Variants in MYO9A observed in about 807,000 individuals in gnomAD.
The protein encoded by MYO9A is unconventional myosin-IXa.
Under a neutral mutation model 293.3 loss-of-function variants are expected in MYO9A, and 103 were observed. That is an observed-to-expected ratio of 0.35 (90% CI 0.30 to 0.41). The LOEUF is 0.41. Ranked by LOEUF, MYO9A falls within the 10% of genes least tolerant of loss-of-function variation. The pLI, the probability that MYO9A is intolerant of heterozygous loss-of-function variation, is 1.00. For missense variants in MYO9A, 2,685 were observed against 3,033.0 expected (o/e 0.89, Z 2.69); for synonymous variants, 1,001 against 1,035.7 (o/e 0.97, Z 0.64).
At chr15:72,080,259 T>TA (rs2079499217) in intron 1 of MYO9A, among the ~76,000 whole-genome samples, 1 of 151,076 alleles carries the variant, frequency 6.6e-6, no homozygotes, top group African/African-American at 2.4e-5. Context: ...GCTATTATGA[T>TA]ATAAAATCAA....
Position 71,823,434 on chromosome 15 carries a change from G to C in MYO9A, c.*3146C>G, listed in dbSNP as rs552030404. On this transcript the variant is annotated 3_prime_UTR_variant, in exon 42 of 42. Coordinates refer to ENST00000356056, the MANE Select transcript of MYO9A (RefSeq NM_006901.4). Reference sequence around the variant, plus strand: ...AAAGCATGAGAAGGTGGGGGCTCTAGTATTCCATCCCAGGACCTCTGGCCC... The same window carrying C: ...AAAGCATGAGAAGGTGGGGGCTCTACTATTCCATCCCAGGACCTCTGGCCC... 1 of 152,242 alleles carries C rather than the reference G, an allele frequency of 6.6e-6. No individual in the cohort carries two copies. Among genetic ancestry groups the C allele is most frequent in the Non-Finnish European group, 1.5e-5 (1 of 68,076 alleles). 9.4% of individuals were successfully genotyped at this position (152,242 alleles called of 1,614,324 possible).
chr15:72,032,928 G>A (rs991701050), intron 2 of MYO9A, among the ~76,000 whole-genome samples: 1 of 152,110 alleles, frequency 6.6e-6, no homozygotes, highest in African/African-American at 2.4e-5. Flanking sequence ...TCGGCTCACT[G>A]CAACCTCTGC....
chr15:72,065,674 A>G (rs1327484957), intron 1 of MYO9A, among the ~76,000 whole-genome samples: 1 of 152,070 alleles, frequency 6.6e-6, no homozygotes, highest in Non-Finnish European at 1.5e-5. Context: ...CATTGAGAGT[A>G]AAAAGGCACA....
intron 13 of MYO9A, among the ~76,000 whole-genome samples, chr15:71,964,141 T>C (rs1356140046): frequency 6.6e-6 from 1 of 152,062 alleles, no homozygotes; most frequent in African/African-American, 2.4e-5. Flanking sequence ...CTGTAATCTA[T>C]AATTTTTTTT....
intron 1 of MYO9A, among the ~76,000 whole-genome samples, chr15:72,082,304 G>A (rs1171226005): frequency 6.6e-6 from 1 of 152,074 alleles, no homozygotes; most frequent in Non-Finnish European, 1.5e-5. Context: ...AATGGGATTT[G>A]TGTTCCTAAT....
chr15:72,005,792 C>CTTTTTAGT (rs1171427364), intron 8 of MYO9A, among the ~76,000 whole-genome samples: 1 of 152,168 alleles, frequency 6.6e-6, no homozygotes, highest in African/African-American at 2.4e-5. Context: ...TAATAATTAA[C>CTTTTTAGT]TTTATGCTCT....
chr15:71,890,417 A>G (rs2057142204), intron 26 of MYO9A: 1 of 152,226 alleles, frequency 6.6e-6, no homozygotes, highest in Admixed American at 6.5e-5. Flanking sequence ...AGAGAAAAGT[A>G]TAATGTTTCC....
At chr15:71,828,949 C>T in intron 40 of MYO9A, among the ~76,000 whole-genome samples, 1 of 152,182 alleles carries the variant, frequency 6.6e-6, no homozygotes, top group East Asian at 1.9e-4. Context: ...AACAGAGCCC[C>T]TTACCTTTAC....
intron 9 of MYO9A, among the ~76,000 whole-genome samples, chr15:71,998,685 G>A (rs956875366): frequency 3.3e-5 from 5 of 150,928 alleles, no homozygotes; most frequent in African/African-American, 4.9e-5. Context: ...CCATTAACTC[G>A]TCATTTAGCA....
chr15:71,965,346 TTTC>T (rs2075846067), intron 13 of MYO9A, among the ~76,000 whole-genome samples: 1 of 152,172 alleles, frequency 6.6e-6, no homozygotes, highest in Non-Finnish European at 1.5e-5. Context: ...TTTAAGTTTT[TTTC>T]TTTTTCCTTA....
intron 18 of MYO9A, among the ~76,000 whole-genome samples, chr15:71,920,739 G>C (rs961795123): frequency 3.9e-5 from 6 of 152,064 alleles, no homozygotes; most frequent in Non-Finnish European, 7.4e-5. Context: ...CTTGAGGCCA[G>C]GAGTTGGAAA....
At chr15:71,949,421 GT>G (rs1164123045) in intron 15 of MYO9A, among the ~76,000 whole-genome samples, 284 of 133,274 alleles carry the variant, frequency 2.1e-3, no homozygotes, top group Middle Eastern at 3.9e-3. Context: ...GTGTTTTTTT[GT>G]TTTTTTTTTT....
At chr15:72,074,201 A>G (rs2079276333) in intron 1 of MYO9A, among the ~76,000 whole-genome samples, 2 of 152,222 alleles carry the variant, frequency 1.3e-5, no homozygotes, top group Admixed American at 1.3e-4. Flanking sequence ...AAAGCAAGTC[A>G]TCTCAGAATC....
rs376627326 is a variant in MYO9A at position 71,826,932 on chromosome 15, G to A, written c.7295C>T (p.Ser2432Leu). Residue 2432 changes from serine (S) to leucine (L), a missense_variant, in exon 42 of 42, where the codon TCG becomes TTG. Physicochemically the swap from Ser to Leu is moderately radical, Grantham distance 145. Coordinates refer to ENST00000356056, the MANE Select transcript of MYO9A (RefSeq NM_006901.4). ...GTTAGACAGACATAAAGAGGAGACC[G>A]AAGAGTCCACGACATCTAAAGAGTC... ...QQDSLDVVDS[S>L]VSSLCLSNTA... 10 of 1,613,938 alleles carry A rather than the reference G, an allele frequency of 6.2e-6. No individual in the cohort carries two copies. In the East Asian group the frequency reaches 1.1e-4, roughly 18 times the overall value.
At chr15:72,039,048 T>C (rs570635761) in intron 2 of MYO9A, among the ~76,000 whole-genome samples, 2 of 152,144 alleles carry the variant, frequency 1.3e-5, no homozygotes, top group Admixed American at 6.5e-5. Flanking sequence ...AGAGGTTAGA[T>C]AGATACAATG....
At chr15:72,114,520 G>C (rs557152887) in intron 1 of MYO9A, 9 of 152,370 alleles carry the variant, frequency 5.9e-5, no homozygotes, top group Admixed American at 1.3e-4. Context: ...GTTTCATGAG[G>C]AAAGAGTGGT....
In MYO9A at chr15:71,945,518, A is replaced by C. The variant is rs570717024; in HGVS notation, c.2302+6259T>G. On this transcript the variant is annotated intron_variant, in intron 15 of 41. Coordinates refer to ENST00000356056, the MANE Select transcript of MYO9A (RefSeq NM_006901.4). ...ACATCTAGGAGGCTGGCTGCCATAG[A>C]TGTACAGTACATGGAATTTGTAAAT... Among the ~76,000 whole-genome samples the C allele has an allele frequency of 2.6e-5, 4 of 152,230 alleles. No homozygotes were observed. In the South Asian group the frequency reaches 8.3e-4, roughly 32 times the overall value.
rs181912429 is a variant in MYO9A at position 71,965,945 on chromosome 15, C to T, written c.1986+2039G>A. ...AGGCTGGAGTGAAATGGCACTATCT[C>T]GGCTCAATGCAACCTCCTCCTCCCA... On this transcript the variant is annotated intron_variant, in intron 13 of 41. Transcript: ENST00000356056. Among the ~76,000 whole-genome samples the T allele has an allele frequency of 4.5e-3, 683 of 151,974 alleles. 30 individuals carry two copies. The highest frequency in any genetic ancestry group is 0.04 in the Admixed American group (606 of 15,256).
chr15:71,850,243 G>A (rs2055577459), intron 37 of MYO9A, 76 bp from the exon 38 acceptor site: 1 of 1,533,634 alleles, frequency 6.5e-7, no homozygotes, highest in African/African-American at 1.4e-5. Flanking sequence ...AGGCAGAAGA[G>A]ATGAGCAAAA....
Sources: allele counts gnomAD v4.1 joint callset (sites outside exome capture counted in the v4.1 genomes callset), GRCh38; gene constraint gnomAD v4.1.1; transcripts MANE v1.5; gene names NCBI Gene and HGNC (gene_info 2026-07-23, HGNC 2026-07-21).